The following IGSF10 variants were observed in gnomAD, a reference collection of about 807,000 sequenced individuals.
The protein encoded by IGSF10 is calvaria mechanical force protein 608.
A neutral mutation model predicts 128.2 loss-of-function variants in IGSF10; 126 were observed. That is an observed-to-expected ratio of 0.98 (90% CI 0.85 to 1.14). The LOEUF (loss-of-function observed/expected upper bound fraction) is 1.14, where lower values mean the gene tolerates loss of function less well. Ranked by LOEUF, IGSF10 falls within the 50% of genes most tolerant of loss-of-function variation. The pLI is 0.00. For synonymous variants in IGSF10, 1,185 were observed against 1,146.2 expected (o/e 1.03, Z -0.68); for missense variants, 3,295 against 3,149.8 (o/e 1.05, Z -1.10).
chr3:151,561,487 T>A, the IGSF10 span, among the ~76,000 whole-genome samples: 81 of 152,306 alleles, frequency 5.3e-4, 1 homozygote, highest in Admixed American at 1.3e-3. Context: ...TATTTAGAAT[T>A]GCTCATCGAT....
the IGSF10 span, among the ~76,000 whole-genome samples, chr3:151,596,671 C>T: frequency 2.3e-4 from 35 of 152,124 alleles, no homozygotes; most frequent in Admixed American, 2.6e-4. Context: ...TCCCAGTTAC[C>T]TAGACCAGCA....
the IGSF10 span, among the ~76,000 whole-genome samples, chr3:151,548,151 C>G: frequency 6.6e-6 from 1 of 152,040 alleles, no homozygotes; most frequent in African/African-American, 2.4e-5. Context: ...AAGCAGTATG[C>G]CTTTTGCCTT....
chr3:151,541,127 C>G, the IGSF10 span, among the ~76,000 whole-genome samples: 1 of 152,098 alleles, frequency 6.6e-6, no homozygotes, highest in Non-Finnish European at 1.5e-5. Flanking sequence ...CCCTCAAAAC[C>G]TCAGTAGTTT....
At chr3:151,594,520 A>G in the IGSF10 span, among the ~76,000 whole-genome samples, 1 of 151,674 alleles carries the variant, frequency 6.6e-6, no homozygotes, top group Middle Eastern at 3.4e-3. Context: ...CTTTTAGTAG[A>G]GACGGGGTTT....
At chr3:151,509,385 A>C in the IGSF10 span, among the ~76,000 whole-genome samples, 1 of 152,258 alleles carries the variant, frequency 6.6e-6, no homozygotes, top group Non-Finnish European at 1.5e-5. Context: ...TGGAGAAACA[A>C]CTGGTGTTCA....
chr3:151,570,287 C>A, the IGSF10 span, among the ~76,000 whole-genome samples: 18 of 152,214 alleles, frequency 1.2e-4, no homozygotes, highest in South Asian at 3.5e-3. Flanking sequence ...ATTTCTAGTT[C>A]TAGATCCCTG....
the IGSF10 span, among the ~76,000 whole-genome samples, chr3:151,612,971 G>A: frequency 6.6e-6 from 1 of 152,130 alleles, no homozygotes; most frequent in Non-Finnish European, 1.5e-5. Context: ...AAGCTGTGTG[G>A]CAATTCTTCA....
chr3:151,498,638 G>A, the IGSF10 span, among the ~76,000 whole-genome samples: 2,292 of 152,176 alleles, frequency 0.015, 20 homozygotes, highest in Middle Eastern at 0.027. Context: ...ATGCAGTAAT[G>A]GGACATGTTA....
Position 151,458,719 on chromosome 3 carries a change from ACAT to A in IGSF10, c.-1-12_-1-10del. The A allele has an allele frequency of 1.9e-6, 3 of 1,610,148 alleles. No individual in the cohort carries two copies. Among genetic ancestry groups the A allele is most frequent in the Non-Finnish European group, 2.5e-6 (3 of 1,177,776 alleles). On this transcript the variant is annotated splice_polypyrimidine_tract_variant and intron_variant, in intron 2 of 7. Transcript: ENST00000282466. ...TGCCTTTTACCTTCATCCTGAAAAA[ACAT>A]CATACCTCAGAGTTATAAAGAGTGG...
the IGSF10 span, among the ~76,000 whole-genome samples, chr3:151,487,147 A>G: frequency 6.6e-6 from 1 of 152,202 alleles, no homozygotes; most frequent in African/African-American, 2.4e-5. Context: ...GACAAAGAGA[A>G]TATCACCACT....
At chr3:151,598,518 AG>A in the IGSF10 span, among the ~76,000 whole-genome samples, 1 of 152,210 alleles carries the variant, frequency 6.6e-6, no homozygotes, top group Admixed American at 6.5e-5. Flanking sequence ...TGGATACTCA[AG>A]GCTGTTATAT....
downstream of IGSF10, chr3:151,434,526 GTATCATC>G (rs1024911757): frequency 2.1e-5 from 1 of 47,388 alleles, no homozygotes; most frequent in African/African-American, 6.9e-5. Context: ...TTCAGAAGAT[GTATCATC>G]TATCTGTACA....
At chr3:151,443,922 C>G (rs1458540877) in intron 6 of IGSF10, 38 bp from the exon 7 acceptor site, 7 of 1,477,040 alleles carry the variant, frequency 4.7e-6, no homozygotes, top group African/African-American at 4.2e-5. Flanking sequence ...TACGGGTCAT[C>G]AAAGTTTATT....
At position 151,460,993 on chromosome 3, in the gene IGSF10, C is replaced by T. The variant is rs996768425; in HGVS notation, c.-136G>A. On this transcript the variant is annotated 5_prime_UTR_variant, in exon 1 of 8. Coordinates refer to ENST00000282466, the MANE Select transcript of IGSF10 (RefSeq NM_178822.5). ...GGCTCGAGCTGCCCGGGCTAGGTCC[C>T]GGGCTCGGTCCCGGGCTCAGCTGCT... 49 of 981,572 alleles carry T rather than the reference C, an allele frequency of 5.0e-5. No homozygotes were observed. The Admixed American group carries it at 2.0e-3, about 41-fold the overall frequency. 60.8% of individuals were successfully genotyped at this position (981,572 alleles called of 1,614,324 possible).
At chr3:151,603,737 G>A in the IGSF10 span, among the ~76,000 whole-genome samples, 6 of 152,200 alleles carry the variant, frequency 3.9e-5, no homozygotes, top group Admixed American at 3.9e-4. Flanking sequence ...TGAAGGCCTG[G>A]GAGCCAGGAG....
the IGSF10 span, among the ~76,000 whole-genome samples, chr3:151,576,220 T>C: frequency 6.6e-6 from 1 of 151,912 alleles, no homozygotes; most frequent in Non-Finnish European, 1.5e-5. Context: ...TTTAAATATA[T>C]TAGCACCATT....
chr3:151,458,206 C>A (rs1721890744), intron 3 of IGSF10, among the ~76,000 whole-genome samples: 2 of 151,896 alleles, frequency 1.3e-5, no homozygotes, highest in Admixed American at 6.6e-5. Context: ...ATGATCATAA[C>A]CCCAATAGTT....
chr3:151,461,340 G>T, upstream of IGSF10: 6 of 985,312 alleles, frequency 6.1e-6, no homozygotes, highest in Non-Finnish European at 6.0e-6. Context: ...TGGTTTAAGG[G>T]TTTACGTAAA....
At chr3:151,436,148 C>T (rs1045194085), downstream of IGSF10, 2 of 152,204 alleles carry the variant, frequency 1.3e-5, no homozygotes, top group Non-Finnish European at 2.9e-5. Flanking sequence ...TATTCCCCAT[C>T]AATGAAAATT....
Sources: gnomAD v4.1 joint callset for allele counts (sites outside exome capture counted in the v4.1 genomes callset) on GRCh38, gnomAD v4.1.1 for gene constraint, MANE v1.5 for transcripts, NCBI Gene and HGNC (gene_info 2026-07-23, HGNC 2026-07-21) for gene names.